The following CDH18 variants were observed in gnomAD, a reference collection of about 807,000 sequenced individuals.
CDH18 encodes cadherin 18, also known as cadherin-18.
CDH18 carries 31 observed loss-of-function variants against 67.9 expected under a neutral mutation model. That is an observed-to-expected ratio of 0.46 (90% CI 0.34 to 0.62). The LOEUF is 0.62. Ranked by LOEUF, CDH18 falls within the 20% of genes least tolerant of loss-of-function variation. The probability of loss-of-function intolerance (pLI) is 0.01; values close to 1 mark genes in which losing one functional copy is unlikely to be tolerated. For synonymous variants in CDH18, 362 were observed against 347.2 expected (o/e 1.04, Z -0.48); for missense variants, 890 against 975.5 (o/e 0.91, Z 1.17).
intron 2 of CDH18, among the ~76,000 whole-genome samples, chr5:20,046,511 C>G (rs1373060561): frequency 6.6e-6 from 1 of 151,248 alleles, no homozygotes; most frequent in Non-Finnish European, 1.5e-5. Flanking sequence ...TTTGAAGAAA[C>G]TATATAAAGG....
intron 2 of CDH18, among the ~76,000 whole-genome samples, chr5:19,901,931 C>T (rs1789978663): frequency 6.6e-6 from 1 of 151,730 alleles, no homozygotes; most frequent in East Asian, 1.9e-4. Context: ...ATACTAAGTT[C>T]CTTTGTCTCT....
At chr5:19,742,176 T>C (rs1451020578) in intron 4 of CDH18, among the ~76,000 whole-genome samples, 1 of 152,126 alleles carries the variant, frequency 6.6e-6, no homozygotes, top group African/African-American at 2.4e-5. Flanking sequence ...ACAACCACAT[T>C]ATGCTTTTCT....
intron 8 of CDH18, among the ~76,000 whole-genome samples, chr5:19,559,915 C>CAAAAAAAA (rs754748614): frequency 3.0e-4 from 40 of 131,864 alleles, no homozygotes; most frequent in African/African-American, 5.7e-4. Flanking sequence ...ATAATAGTTG[C>CAAAAAAAA]AAAAACAAAC....
chr5:19,665,418 T>C (rs1203207449), intron 5 of CDH18, among the ~76,000 whole-genome samples: 1 of 152,074 alleles, frequency 6.6e-6, no homozygotes, highest in African/African-American at 2.4e-5. Flanking sequence ...TGCTCAGTGT[T>C]AATTTTTGTA....
At chr5:19,669,867 C>T (rs1201733630) in intron 5 of CDH18, among the ~76,000 whole-genome samples, 2 of 152,020 alleles carry the variant, frequency 1.3e-5, no homozygotes, top group African/African-American at 2.4e-5. Flanking sequence ...ACAACAGAAA[C>T]AAAGAAAACA....
chr5:19,629,513 A>T (rs993940551), intron 5 of CDH18, among the ~76,000 whole-genome samples: 1 of 152,206 alleles, frequency 6.6e-6, no homozygotes, highest in Non-Finnish European at 1.5e-5. Flanking sequence ...TCCCTCTTGA[A>T]TCTTCATTCC....
At chr5:19,715,919 C>T (rs1581026339) in intron 5 of CDH18, among the ~76,000 whole-genome samples, 1 of 151,002 alleles carries the variant, frequency 6.6e-6, no homozygotes, top group African/African-American at 2.4e-5. Flanking sequence ...TGGGTTCAAG[C>T]GATTCTCTCT....
chr5:20,251,312 C>T (rs1743840276), intron 2 of CDH18, among the ~76,000 whole-genome samples: 1 of 151,838 alleles, frequency 6.6e-6, no homozygotes, highest in South Asian at 2.1e-4. Context: ...ATTTTTTTCA[C>T]AAAACACACC....
intron 1 of CDH18, among the ~76,000 whole-genome samples, chr5:20,563,838 CAT>C (rs1236109224): frequency 6.6e-6 from 1 of 152,196 alleles, no homozygotes; most frequent in Non-Finnish European, 1.5e-5. Flanking sequence ...TCCTTAAACT[CAT>C]ATTATTAGCC....
At chr5:19,650,029 C>T (rs181537087) in intron 5 of CDH18, among the ~76,000 whole-genome samples, 192 of 151,970 alleles carry the variant, frequency 1.3e-3, no homozygotes, top group Middle Eastern at 6.8e-3. Flanking sequence ...AAAAATTTTA[C>T]TTTTTGCAAT....
At chr5:19,614,526 T>C (rs767085512) in intron 5 of CDH18, among the ~76,000 whole-genome samples, 1 of 152,092 alleles carries the variant, frequency 6.6e-6, no homozygotes, top group Non-Finnish European at 1.5e-5. Flanking sequence ...AAAGAACTTA[T>C]GAAAGAAATT....
At chr5:19,965,008 T>A (rs764875509) in intron 2 of CDH18, among the ~76,000 whole-genome samples, 1 of 152,180 alleles carries the variant, frequency 6.6e-6, no homozygotes, top group Non-Finnish European at 1.5e-5. Flanking sequence ...TCCACACATA[T>A]GCAATATATA....
intron 2 of CDH18, among the ~76,000 whole-genome samples, chr5:20,064,849 G>T (rs1266009248): frequency 6.6e-6 from 1 of 151,958 alleles, no homozygotes; most frequent in East Asian, 1.9e-4. Context: ...AAATATGTTT[G>T]CAAGATATGA....
intron 5 of CDH18, among the ~76,000 whole-genome samples, chr5:19,666,237 TTTATTA>T (rs70950082): frequency 0.095 from 12,180 of 127,966 alleles, 870 homozygotes; most frequent in African/African-American, 0.22. Flanking sequence ...CTGTATGATT[TTTATTA>T]TTATTATTAT....
intron 1 of CDH18, among the ~76,000 whole-genome samples, chr5:20,374,697 G>A (rs989035331): frequency 6.6e-6 from 1 of 152,020 alleles, no homozygotes; most frequent in Non-Finnish European, 1.5e-5. Flanking sequence ...AGGGAAAGAG[G>A]GGATTCAATG....
chr5:19,896,683 G>A (rs1244713364), intron 2 of CDH18, among the ~76,000 whole-genome samples: 1 of 152,124 alleles, frequency 6.6e-6, no homozygotes, highest in African/African-American at 2.4e-5. Context: ...ATGAATTGAC[G>A]GAAATCTGTT....
intron 1 of CDH18, among the ~76,000 whole-genome samples, chr5:20,546,299 A>T (rs1281458714): frequency 6.6e-6 from 1 of 152,076 alleles, no homozygotes; most frequent in East Asian, 1.9e-4. Flanking sequence ...TCTGCCTGTT[A>T]CCCAGTTCCA....
At chr5:19,477,809 A>G (rs2126537506) in intron 12 of CDH18, among the ~76,000 whole-genome samples, 1 of 152,002 alleles carries the variant, frequency 6.6e-6, no homozygotes, top group East Asian at 1.9e-4. Flanking sequence ...GTGGTGTTAC[A>G]AAAAAAAGAA....
chr5:19,981,964 T>C (rs1158618089), intron 1 of CDH18, among the ~76,000 whole-genome samples: 1 of 152,224 alleles, frequency 6.6e-6, no homozygotes, highest in East Asian at 1.9e-4. Flanking sequence ...ATACTAATTA[T>C]GCCCTTGTTT....
Sources: allele counts gnomAD v4.1 joint callset (sites outside exome capture counted in the v4.1 genomes callset), GRCh38; gene constraint gnomAD v4.1.1; transcripts MANE v1.5; gene names NCBI Gene and HGNC (gene_info 2026-07-23, HGNC 2026-07-21).